Variants in MYBPC2 observed in about 807,000 individuals in gnomAD.
The protein encoded by MYBPC2 is myosin-binding protein C, fast-type.
MYBPC2 carries 122 observed loss-of-function variants against 137.0 expected under a neutral mutation model. The ratio of observed to expected loss-of-function variants is 0.89; its 90% CI spans 0.77 to 1.03. The LOEUF (loss-of-function observed/expected upper bound fraction) is 1.03, where lower values mean the gene tolerates loss of function less well. Among genes scored for constraint, MYBPC2 ranks in the 50% least tolerant of loss-of-function variants. MYBPC2 has a pLI of 0.00. For missense variants in MYBPC2, 1,500 were observed against 1,534.4 expected, an observed-to-expected ratio of 0.98 and a Z score of 0.37; for synonymous variants, 626 against 612.3, an observed-to-expected ratio of 1.02 and a Z score of -0.33.
rs747680583 is a variant in MYBPC2, at chr19:50,458,599, T to A, written c.2351T>A (p.Val784Asp). 17 of 1,611,722 alleles carry A rather than the reference T, an allele frequency of 1.1e-5. No homozygotes were observed. In the African/African-American group the frequency reaches 1.2e-4, roughly 11 times the overall value. ...CCTCTCTCTCCAGCCGAGGAATGGG[T>A]CCCTGCCAACACCGAGCCCGTGGAG... ...EYCLEGSEEW[V>D]PANTEPVERC... The change falls in exon 21 of 28, where the codon GTC becomes GAC. Residue 784 changes from valine to aspartate, a missense_variant. Coordinates refer to ENST00000357701, the MANE Select transcript of MYBPC2 (RefSeq NM_004533.4).
At chr19:50,447,956 C>A (rs747859102) in intron 12 of MYBPC2, among the ~76,000 whole-genome samples, 3 of 152,204 alleles carry the variant, frequency 2.0e-5, no homozygotes, top group Non-Finnish European at 2.9e-5. Context: ...GGCCTTTGCA[C>A]ACGCTGGTCC....
At chr19:50,453,835 C>G (rs1052332304) in intron 16 of MYBPC2, among the ~76,000 whole-genome samples, 185 bp from the exon 17 acceptor site, 1 of 152,084 alleles carries the variant, frequency 6.6e-6, no homozygotes, top group Admixed American at 6.6e-5. Context: ...CCACTGCGCC[C>G]CGTCCAGTCT....
chr19:50,447,437 G>A (rs193129224), intron 12 of MYBPC2, among the ~76,000 whole-genome samples: 13 of 152,256 alleles, frequency 8.5e-5, no homozygotes, highest in Non-Finnish European at 1.6e-4. Flanking sequence ...TAAAAAAAGA[G>A]AATGTTTTAG....
chr19:50,443,397 G>A, intron 9 of MYBPC2, 97 bp from the exon 10 acceptor site: 1 of 1,468,474 alleles, frequency 6.8e-7, no homozygotes, highest in Non-Finnish European at 9.2e-7. Context: ...CTCTGAGAGA[G>A]AGAGAGAGAG....
chr19:50,459,169 G>T lies in MYBPC2; in HGVS notation c.2654G>T (p.Arg885Leu), dbSNP rs998326884. The T allele has an allele frequency of 1.3e-6, 2 of 1,589,482 alleles. No individual in the cohort carries two copies. Among genetic ancestry groups the T allele is most frequent in the African/African-American group, 2.7e-5 (2 of 73,904 alleles). The change falls in exon 23 of 28, where the codon CGC becomes CTC. Residue 885 changes from arginine to leucine, a missense_variant. Transcript: ENST00000357701. Reference protein sequence around the residue: ...TKGGAPLDTSRVHVRTSDFDT... With the variant: ...TKGGAPLDTSLVHVRTSDFDT... Reference sequence around the variant, plus strand: ...GGCGGGGCCCCGCTGGACACCTCCCGCGTGCACGTGCGGACCAGCGACTTC... The same window carrying T: ...GGCGGGGCCCCGCTGGACACCTCCCTCGTGCACGTGCGGACCAGCGACTTC...
rs199690062 is a variant in MYBPC2 at position 50,458,931 on chromosome 19, C to G, written c.2520C>G (p.Ile840Met). 1 of 1,611,980 alleles carries G rather than the reference C, an allele frequency of 6.2e-7. No individual in the cohort carries two copies. Among genetic ancestry groups the G allele is most frequent in the Non-Finnish European group, 8.5e-7 (1 of 1,179,274 alleles). ...TIREIAEPPK[I>M]RLPRHLRQTY... ...TTGCGCCCTCAGAGCCACCCAAGAT[C>G]CGGCTTCCCCGCCATCTCCGCCAGA... Residue 840 changes from isoleucine to methionine, a missense_variant, in exon 22 of 28, where the codon ATC becomes ATG. Coordinates refer to ENST00000357701, the MANE Select transcript of MYBPC2 (RefSeq NM_004533.4).
At position 50,454,249 on chromosome 19, in the gene MYBPC2, C is replaced by G. The variant is rs1403735557; in HGVS notation, c.1910-16C>G. The G allele has an allele frequency of 5.0e-6, 8 of 1,613,764 alleles. No homozygotes were observed. The highest frequency in any genetic ancestry group is 1.7e-5 in the Admixed American group (1 of 59,980). On this transcript the variant is annotated splice_polypyrimidine_tract_variant and intron_variant, in intron 17 of 27. Transcript: ENST00000357701. ...TGAGGCCTCGAGGGGCCACCTGACT[C>G]TCCTGCCCCCTGCAGATGTCCCAGA...
rs1481580974 is a variant in MYBPC2 at position 50,435,079 on chromosome 19, G to A, written c.20-82G>A. The A allele has an allele frequency of 8.5e-6, 6 of 702,966 alleles. No homozygotes were observed. In the African/African-American group the frequency reaches 1.2e-4, roughly 14 times the overall value. The allele number at this position is 702,966 out of a possible 1,614,324, so 43.5% of individuals were successfully genotyped here. On this transcript the variant is annotated intron_variant, in intron 1 of 27. Transcript: ENST00000357701. This position sits in a 1 kb window ranked among gnomAD's most constrained non-coding sequence, Gnocchi z 4.8. ...CCTGGGTCTGAGGGAGGAGGGGCTG[G>A]GGGGTCTGGACTCCTGCGTCTGAGG...
rs142325718 is a variant in MYBPC2 at position 50,453,533 on chromosome 19, G to A, written c.1750-487G>A. Among the ~76,000 whole-genome samples, 614 of 151,800 alleles carry A rather than the reference G, an allele frequency of 4.0e-3. 5 individuals are homozygous for A. The highest frequency in any genetic ancestry group is 0.014 in the African/African-American group (589 of 41,378). On this transcript the variant is annotated intron_variant, in intron 16 of 27. Coordinates refer to ENST00000357701, the MANE Select transcript of MYBPC2 (RefSeq NM_004533.4). Reference sequence around the variant, plus strand: ...TTTTGTTGTTGTTGTTGTTTGGTTGGTTTCTTTTTTTCTCTTTTTTTTTTG... The same window carrying A: ...TTTTGTTGTTGTTGTTGTTTGGTTGATTTCTTTTTTTCTCTTTTTTTTTTG...
In MYBPC2 at chr19:50,459,910, A is replaced by G. The variant is rs138369605; in HGVS notation, c.2792-130A>G. On this transcript the variant is annotated intron_variant, in intron 23 of 27. Coordinates refer to ENST00000357701, the MANE Select transcript of MYBPC2 (RefSeq NM_004533.4). ...TGGAGAGACTGGGATGGGGGAGGCC[A>G]TAGGCAGGAATGGGAATGGGGCATA... 7.6e-3 allele frequency: 10,221 copies of G among 1,336,808 alleles called. 60 individuals are homozygous for G. The highest frequency in any genetic ancestry group is 9.1e-3 in the Non-Finnish European group (8,811 of 970,990). The allele number at this position is 1,336,808 out of a possible 1,614,324, so 82.8% of individuals were successfully genotyped here.
intron 10 of MYBPC2, 41 bp from the exon 11 acceptor site, chr19:50,443,670 G>C (rs775905702): frequency 5.5e-5 from 89 of 1,611,112 alleles, no homozygotes; most frequent in Non-Finnish European, 7.5e-5. Context: ...ACTCTGGAGG[G>C]GGTCCTGAAA....
intron 15 of MYBPC2, 148 bp downstream of exon 15, chr19:50,451,457 G>T: frequency 1.5e-6 from 1 of 664,550 alleles, no homozygotes; most frequent in East Asian, 2.8e-5. Flanking sequence ...GAGGGGGTTG[G>T]GGTGCTGAGG....
rs772049038 is a variant in MYBPC2, at chr19:50,455,594, T to C, written c.2288T>C (p.Ile763Thr). Residue 763 changes from isoleucine (I) to threonine (T), a missense_variant, in exon 20 of 28, where the codon ATC becomes ACC. By Grantham distance (89) the Ile-to-Thr change is moderately conservative (BLOSUM62 -1). Coordinates refer to ENST00000357701, the MANE Select transcript of MYBPC2 (RefSeq NM_004533.4). ...CTCAAGTGGAGGCCTCCGAACAGGA[T>C]CGGGGCAGGTGGCATCGATGGGTAC... ...TTLKWRPPNR[I>T]GAGGIDGYLV... 1 of 1,613,864 alleles carries C rather than the reference T, an allele frequency of 6.2e-7. No individual in the cohort carries two copies. The highest frequency in any genetic ancestry group is 1.1e-5 in the South Asian group (1 of 91,062).
In MYBPC2 at chr19:50,464,293, C is replaced by G. The variant is rs929772951; in HGVS notation, c.3229-53C>G. On this transcript the variant is annotated intron_variant, in intron 26 of 27. Transcript: ENST00000357701. ...GGCTTCCTGAGCCCCATTTTGTCAT[C>G]ATTGCCCAGGGTCTCTCTCTAAGTT... 6.0e-6 allele frequency: 9 copies of G among 1,500,456 alleles called. No individual in the cohort carries two copies. The African/African-American group carries it at 1.1e-4, about 18-fold the overall frequency. 92.9% of individuals were successfully genotyped at this position (1,500,456 alleles called of 1,614,324 possible).
At position 50,451,964 on chromosome 19, in the gene MYBPC2, G is replaced by C; in HGVS notation, c.1710G>C (p.Gly570=). 1 of 1,556,964 alleles carries C rather than the reference G, an allele frequency of 6.4e-7. No homozygotes were observed. Among genetic ancestry groups the C allele is most frequent in the Non-Finnish European group, 8.7e-7 (1 of 1,149,808 alleles). The change falls in exon 16 of 28, where the codon GGG becomes GGC. Residue 570 remains glycine (G), a synonymous_variant. Coordinates refer to ENST00000357701, the MANE Select transcript of MYBPC2 (RefSeq NM_004533.4). The stretch of plus-strand genomic sequence containing the variant: ...TGAGGCTTGACGTGTCCATCACAGG[G>C]GAGCCCCCTCCCGTCGCTACCTGGC... ...NKLRLDVSIT[G]EPPPVATWLK...
rs75028924 is a variant in MYBPC2 at position 50,443,789 on chromosome 19, T to A, written c.1106T>A (p.Val369Glu). The A allele has an allele frequency of 6.2e-7, 1 of 1,613,802 alleles. No homozygotes were observed. The highest frequency in any genetic ancestry group is 1.7e-5 in the Admixed American group (1 of 59,990). The stretch of plus-strand genomic sequence containing the variant: ...GACCGGGTGGAAATGGCAGTGGAGG[T>A]GTCAGAAGAGGGTGCCCAGGTGATG... Reference protein sequence around the residue: ...VGDRVEMAVEVSEEGAQVMWM... With the variant: ...VGDRVEMAVEESEEGAQVMWM... The change falls in exon 11 of 28, where the codon GTG becomes GAG. Residue 369 changes from valine (V) to glutamate (E), a missense_variant. Physicochemically the swap from Val to Glu is moderately radical, Grantham distance 121. Transcript: ENST00000357701.
In MYBPC2 at chr19:50,432,938, G is replaced by A; in HGVS notation, c.-16G>A. ...GACGCGGCTGCGGTCAGAGGAGCAG[G>A]AGGAGGTCCCCCGACATGCCTGAGG... is the stretch of plus-strand genomic sequence containing the variant. On this transcript the variant is annotated 5_prime_UTR_variant, in exon 1 of 28. Coordinates refer to ENST00000357701, the MANE Select transcript of MYBPC2 (RefSeq NM_004533.4). The surrounding 1 kb of genome is among the most constrained non-coding windows in gnomAD (Gnocchi z 5.5). The A allele has an allele frequency of 6.2e-7, 1 of 1,606,524 alleles. No homozygotes were observed. Among genetic ancestry groups the A allele is most frequent in the Non-Finnish European group, 8.5e-7 (1 of 1,177,836 alleles).
chr19:50,464,309 T>C (rs1265962128), intron 26 of MYBPC2, 37 bp from the exon 27 acceptor site: 1 of 1,556,466 alleles, frequency 6.4e-7, no homozygotes. Flanking sequence ...CCAGGGTCTC[T>C]CTCTAAGTTG....
chr19:50,459,067 G>T, intron 22 of MYBPC2, 44 bp from the exon 23 acceptor site: 1 of 1,558,344 alleles, frequency 6.4e-7, no homozygotes, highest in Non-Finnish European at 8.7e-7. Context: ...CTTTTTGCGG[G>T]TGGAGCCCCG....
Sources: allele counts gnomAD v4.1 joint callset (sites outside exome capture counted in the v4.1 genomes callset), GRCh38; gene constraint gnomAD v4.1.1; non-coding constraint Gnocchi (gnomAD v3.1); transcripts MANE v1.5; gene names NCBI Gene and HGNC (gene_info 2026-07-23, HGNC 2026-07-21).